GALNT17: variants seen among roughly 807,000 people sequenced by gnomAD.
GALNT17 encodes UDP-GalNAc:polypeptide N-acetylgalactosaminyltransferase-like 3.
A neutral mutation model predicts 63.7 loss-of-function variants in GALNT17; 29 were observed. The ratio of observed to expected loss-of-function variants is 0.46; its 90% CI spans 0.34 to 0.62. The LOEUF (loss-of-function observed/expected upper bound fraction) is 0.62, where lower values mean the gene tolerates loss of function less well. Ranked by LOEUF, GALNT17 falls within the 20% of genes least tolerant of loss-of-function variation. The pLI, the probability that GALNT17 is intolerant of heterozygous loss-of-function variation, is 0.01. For synonymous variants in GALNT17, 305 were observed against 318.3 expected (o/e 0.96, Z 0.45); for missense variants, 603 against 799.6 (o/e 0.75, Z 2.97).
intron 1 of GALNT17, among the ~76,000 whole-genome samples, chr7:71,264,704 T>A (rs1276219461): frequency 6.6e-6 from 1 of 152,064 alleles, no homozygotes; most frequent in Admixed American, 6.6e-5. Context: ...GAGGTCACTA[T>A]GTTAAGTGAA....
At chr7:71,502,982 A>G (rs974463885) in intron 5 of GALNT17, among the ~76,000 whole-genome samples, 3 of 152,140 alleles carry the variant, frequency 2.0e-5, no homozygotes, top group South Asian at 2.1e-4. Context: ...TTTCTTGGTC[A>G]TTAGCCCCCT....
intron 5 of GALNT17, among the ~76,000 whole-genome samples, chr7:71,485,842 C>T (rs763538090): frequency 1.3e-5 from 2 of 152,072 alleles, no homozygotes; most frequent in African/African-American, 2.4e-5. Flanking sequence ...TCTTTGTCAA[C>T]CAGAAATTGT....
intron 5 of GALNT17, among the ~76,000 whole-genome samples, chr7:71,524,010 C>T (rs533513684): frequency 1.3e-5 from 2 of 150,006 alleles, no homozygotes; most frequent in South Asian, 2.1e-4. Context: ...CCCAGCTACT[C>T]GGGAGGCTGA....
chr7:71,217,540 C>CT (rs201629933), intron 1 of GALNT17, among the ~76,000 whole-genome samples: 371 of 151,566 alleles, frequency 2.4e-3, no homozygotes, highest in East Asian at 0.012. Context: ...TTCTGGTTTT[C>CT]TTTTTTTTGT....
At chr7:71,216,613 CAG>C (rs1789485181) in intron 1 of GALNT17, among the ~76,000 whole-genome samples, 1 of 123,098 alleles carries the variant, frequency 8.1e-6, no homozygotes, top group Admixed American at 7.6e-5. Flanking sequence ...CACATACACA[CAG>C]ACACACACAC....
chr7:71,365,275 C>G (rs1488492035), intron 2 of GALNT17, among the ~76,000 whole-genome samples: 5 of 151,704 alleles, frequency 3.3e-5, no homozygotes, highest in Non-Finnish European at 5.9e-5. Context: ...GAGTCTCGCT[C>G]TGCTGCCAGG....
intron 1 of GALNT17, among the ~76,000 whole-genome samples, chr7:71,234,330 C>G (rs192316738): frequency 6.6e-6 from 1 of 152,086 alleles, no homozygotes. Context: ...GGCGCAATCT[C>G]GGCTCACTGC....
At chr7:71,551,830 G>C (rs2116831962) in intron 5 of GALNT17, among the ~76,000 whole-genome samples, 1 of 151,662 alleles carries the variant, frequency 6.6e-6, no homozygotes. Flanking sequence ...TTGTAACCGA[G>C]GACGGTGTTA....
intron 2 of GALNT17, among the ~76,000 whole-genome samples, chr7:71,370,196 T>G (rs1389957648): frequency 6.6e-6 from 1 of 152,264 alleles, no homozygotes; most frequent in East Asian, 1.9e-4. Context: ...TGGAGCTAAC[T>G]CAGTTTCCAA....
chr7:71,404,617 A>G (rs531749563), intron 3 of GALNT17, among the ~76,000 whole-genome samples: 1 of 152,210 alleles, frequency 6.6e-6, no homozygotes, highest in Non-Finnish European at 1.5e-5. Context: ...CACCATGGCT[A>G]TTCTTCAAGC....
intron 5 of GALNT17, among the ~76,000 whole-genome samples, chr7:71,553,528 G>GT (rs1262322349): frequency 6.6e-6 from 1 of 152,064 alleles, no homozygotes; most frequent in Non-Finnish European, 1.5e-5. Context: ...CAGAAAAGTT[G>GT]TTTTTCATAT....
chr7:71,528,234 C>A (rs936545317), intron 5 of GALNT17, among the ~76,000 whole-genome samples: 18 of 152,212 alleles, frequency 1.2e-4, no homozygotes, highest in Non-Finnish European at 2.5e-4. Flanking sequence ...GGCTTTTAGA[C>A]CAACATAGCA....
intron 6 of GALNT17, among the ~76,000 whole-genome samples, chr7:71,645,664 A>G (rs1201714916): frequency 1.3e-5 from 2 of 152,190 alleles, no homozygotes; most frequent in Non-Finnish European, 2.9e-5. Context: ...GGAACAAAAT[A>G]GAAGTTTCCA....
rs908678599 is a variant in GALNT17, at chr7:71,557,381, G to A, written c.963-13904G>A. On this transcript the variant is annotated intron_variant, in intron 5 of 10. Transcript: ENST00000333538. ...ACATCCTAAAGCTTTTATCAAAGTT[G>A]TTCTTGCATCAGCCCTGGAAGTTGA... Among the ~76,000 whole-genome samples the A allele has an allele frequency of 5.3e-5, 8 of 152,206 alleles. No individual in the cohort carries two copies. In the East Asian group the frequency reaches 1.4e-3, roughly 26 times the overall value.
At chr7:71,362,526 C>T (rs1792422534) in intron 2 of GALNT17, among the ~76,000 whole-genome samples, 1 of 152,154 alleles carries the variant, frequency 6.6e-6, no homozygotes, top group Non-Finnish European at 1.5e-5. Flanking sequence ...TGGCTTCCTG[C>T]AAATATCAAG....
chr7:71,172,813 G>A (rs963308736), intron 1 of GALNT17, among the ~76,000 whole-genome samples: 2 of 152,156 alleles, frequency 1.3e-5, no homozygotes, highest in Non-Finnish European at 2.9e-5. Context: ...AGCAGTTTTG[G>A]GTGGCTTTGA....
At chr7:71,385,850 TG>T (rs558045617) in intron 2 of GALNT17, among the ~76,000 whole-genome samples, 14 of 152,272 alleles carry the variant, frequency 9.2e-5, no homozygotes, top group South Asian at 8.3e-4. Flanking sequence ...GCAGATCGCT[TG>T]AGGTCAGGAG....
rs13235503 is a variant in GALNT17 at position 71,377,103 on chromosome 7, A to T, written c.423-11132A>T. On this transcript the variant is annotated intron_variant, in intron 2 of 10. Transcript: ENST00000333538. ...TCCATCTCAAAAAAAAAAAAAAATA[A>T]AAATAAAAAAAATATATATATATAT... is the stretch of plus-strand genomic sequence containing the variant. Among the ~76,000 whole-genome samples the T allele has an allele frequency of 8.3e-4, 52 of 62,950 alleles. 3 individuals carry two copies. Among genetic ancestry groups the T allele is most frequent in the African/African-American group, 3.1e-3 (38 of 12,220 alleles). The allele number at this position is 62,950 out of a possible 152,430, so 41.3% of individuals were successfully genotyped here.
intron 1 of GALNT17, among the ~76,000 whole-genome samples, chr7:71,286,802 T>G (rs182325442): frequency 1.4e-3 from 206 of 143,672 alleles, no homozygotes; most frequent in Admixed American, 4.6e-3. Flanking sequence ...TTGTTTGTTT[T>G]TTTGAGACAG....
Sources: gnomAD v4.1 joint callset for allele counts (sites outside exome capture counted in the v4.1 genomes callset) on GRCh38, gnomAD v4.1.1 for gene constraint, MANE v1.5 for transcripts, NCBI Gene and HGNC (gene_info 2026-07-23, HGNC 2026-07-21) for gene names.